The following TRIM55 variants were observed in gnomAD, a reference collection of about 807,000 sequenced individuals.
The protein encoded by TRIM55 is tripartite motif containing 55.
In TRIM55, 50 loss-of-function variants were observed where a neutral mutation model predicts 60.9. The ratio of observed to expected loss-of-function variants is 0.82; its 90% confidence interval spans 0.65 to 1.04. The LOEUF (loss-of-function observed/expected upper bound fraction) is 1.04. Among genes scored for constraint, TRIM55 ranks in the 50% least tolerant of loss-of-function variants. The pLI is 0.00. For synonymous variants in TRIM55, 237 were observed against 238.1 expected (o/e 1.00, Z 0.04); for missense variants, 681 against 666.9 (o/e 1.02, Z -0.23).
chr8:66,143,164 A>C (rs1171956457), intron 4 of TRIM55, among the ~76,000 whole-genome samples: 3 of 152,192 alleles, frequency 2.0e-5, no homozygotes, highest in Admixed American at 6.5e-5. Context: ...GCTCAGTGAC[A>C]AGTGGTGGGT....
At chr8:66,130,346 A>G (rs769322963) in intron 2 of TRIM55, among the ~76,000 whole-genome samples, 76 of 152,156 alleles carry the variant, frequency 5.0e-4, no homozygotes, top group Middle Eastern at 3.2e-3. Context: ...TTTTTCTTGA[A>G]CTTGAGACTT....
chr8:66,150,291 G>T (rs755170441), intron 6 of TRIM55, 51 bp from the exon 7 acceptor site: 2 of 1,613,826 alleles, frequency 1.2e-6, no homozygotes, highest in Non-Finnish European at 1.7e-6. Context: ...TTTACCCAAG[G>T]CTATCCAATT....
At chr8:66,142,945 T>C (rs986981293) in intron 4 of TRIM55, among the ~76,000 whole-genome samples, 3 of 152,272 alleles carry the variant, frequency 2.0e-5, no homozygotes, top group Admixed American at 1.3e-4. Flanking sequence ...AACTTCTTAC[T>C]TTAATGTAGT....
chr8:66,146,369 A>C (rs1810095658), intron 4 of TRIM55, among the ~76,000 whole-genome samples: 1 of 152,072 alleles, frequency 6.6e-6, no homozygotes. Flanking sequence ...TAAACTGCCA[A>C]AAAAAATTAT....
upstream of TRIM55, chr8:66,127,063 G>C: frequency 2.0e-6 from 1 of 488,210 alleles, no homozygotes; most frequent in Middle Eastern, 5.4e-4. Context: ...GGCTTATATG[G>C]ACACGTCAGC....
chr8:66,152,627 G>C lies in TRIM55; in HGVS notation c.1236G>C (p.Gln412His). ...LPPAADAPVTQGEVVPTGSEQ... is the reference protein window; with the variant it reads ...LPPAADAPVTHGEVVPTGSEQ... ...CTGCTGCGGATGCCCCTGTGACACA[G>C]GTAACCCCTCCTGAGTCTCTTTCTA... is the stretch of plus-strand genomic sequence containing the variant. Residue 412 changes from glutamine (Q) to histidine (H), a missense_variant and splice_region_variant, in exon 8 of 10, where the codon CAG becomes CAC. Gln to His is a conservative substitution (Grantham distance 24). Coordinates refer to ENST00000315962, the MANE Select transcript of TRIM55 (RefSeq NM_184085.2). 1 of 1,613,324 alleles carries C rather than the reference G, an allele frequency of 6.2e-7. No homozygotes were observed. The highest frequency in any genetic ancestry group is 8.5e-7 in the Non-Finnish European group (1 of 1,179,676).
rs373183172 is a variant in TRIM55, at chr8:66,155,643, G to A, written c.1524+1309G>A. 5.5e-5 allele frequency: 88 copies of A among 1,612,152 alleles called. 1 individual carries two copies. The highest frequency in any genetic ancestry group is 3.8e-4 in the Admixed American group (23 of 59,784). On this transcript the variant is annotated intron_variant, in intron 9 of 9. Transcript: ENST00000315962. The stretch of plus-strand genomic sequence containing the variant: ...CACAGGAGTTAGTAATCTGCCTAGC[G>A]CTTTTGGCTTTTCTTATTCTTCACT...
At position 66,149,697 on chromosome 8, in the gene TRIM55, A is replaced by G. The variant is rs760786755; in HGVS notation, c.656A>G (p.Tyr219Cys). ...QELCEKFDYL[Y>C]GILEERKNEM... ...CTTTGTGAGAAGTTTGATTACCTGT[A>G]TGGCATTTTGGAGGAGAGGAAGAAT... Residue 219 changes from tyrosine (Y) to cysteine (C), a missense_variant, in exon 5 of 10, where the codon TAT becomes TGT. Tyr to Cys is a radical substitution (Grantham distance 194). Coordinates refer to ENST00000315962, the MANE Select transcript of TRIM55 (RefSeq NM_184085.2). The G allele has an allele frequency of 1.2e-6, 2 of 1,614,204 alleles. No individual in the cohort carries two copies. The highest frequency in any genetic ancestry group is 1.7e-6 in the Non-Finnish European group (2 of 1,180,006).
the TRIM55 span, chr8:66,114,667 C>T: frequency 2.2e-6 from 1 of 456,046 alleles, no homozygotes; most frequent in African/African-American, 2.0e-5. Flanking sequence ...TGAACGTTTG[C>T]TCAACCGAGG....
chr8:66,148,795 T>TCCCA (rs1810244584), intron 4 of TRIM55, among the ~76,000 whole-genome samples: 1 of 152,152 alleles, frequency 6.6e-6, no homozygotes, highest in South Asian at 2.1e-4. Flanking sequence ...ACGCCTGTAA[T>TCCCA]CCCAGCACTT....
At chr8:66,122,719 A>G (rs368731530), upstream of TRIM55, among the ~76,000 whole-genome samples, 2 of 152,292 alleles carry the variant, frequency 1.3e-5, no homozygotes, top group East Asian at 1.9e-4. Flanking sequence ...AAGATCACAC[A>G]TGACTCCTTC....
At chr8:66,140,890 A>T (rs561776333) in intron 4 of TRIM55, among the ~76,000 whole-genome samples, 2 of 152,296 alleles carry the variant, frequency 1.3e-5, no homozygotes, top group African/African-American at 2.4e-5. Context: ...TTGTTAAAGA[A>T]TTCTCTTTTC....
chr8:66,113,470 GT>G, the TRIM55 span: 2 of 454,406 alleles, frequency 4.4e-6, no homozygotes, highest in Non-Finnish European at 8.8e-6. Context: ...GACAAGTGCG[GT>G]TTTTTTCTCC....
chr8:66,142,435 G>A (rs113855822), intron 4 of TRIM55, among the ~76,000 whole-genome samples: 4,310 of 152,272 alleles, frequency 0.028, 169 homozygotes, highest in African/African-American at 0.091. Context: ...GGGAAACATG[G>A]TGACTACCCA....
chr8:66,161,564 A>G (rs1406926019), intron 9 of TRIM55, among the ~76,000 whole-genome samples: 1 of 152,086 alleles, frequency 6.6e-6, no homozygotes, highest in East Asian at 1.9e-4. Context: ...TCTATGAAGA[A>G]TGATGGTGTA....
chr8:66,159,509 G>A (rs1215227500), intron 9 of TRIM55, among the ~76,000 whole-genome samples: 1 of 152,214 alleles, frequency 6.6e-6, no homozygotes, highest in Non-Finnish European at 1.5e-5. Context: ...CTCACATATA[G>A]GTCTTTGTGT....
At chr8:66,118,011 CA>C in the TRIM55 span, among the ~76,000 whole-genome samples, 1 of 150,282 alleles carries the variant, frequency 6.7e-6, no homozygotes, top group South Asian at 2.1e-4. Context: ...CTAAAAAATA[CA>C]AAAAAACTTA....
At position 66,158,082 on chromosome 8, in the gene TRIM55, G is replaced by A. The variant is rs557222162; in HGVS notation, c.1524+3748G>A. Among the ~76,000 whole-genome samples, 11 of 151,374 alleles carry A rather than the reference G, an allele frequency of 7.3e-5. No homozygotes were observed. In the East Asian group the frequency reaches 2.0e-3, roughly 27 times the overall value. On this transcript the variant is annotated intron_variant, in intron 9 of 9. Coordinates refer to ENST00000315962, the MANE Select transcript of TRIM55 (RefSeq NM_184085.2). ...TATTTGGTGGATTAACTCAGCAGCTGCTCTGGCTGATACTTGAGCTGGACA... is the reference window on the plus strand; with the variant it reads ...TATTTGGTGGATTAACTCAGCAGCTACTCTGGCTGATACTTGAGCTGGACA...
intron 9 of TRIM55, among the ~76,000 whole-genome samples, chr8:66,159,999 T>A (rs1438502625): frequency 1.3e-5 from 2 of 152,146 alleles, no homozygotes; most frequent in Non-Finnish European, 2.9e-5. Flanking sequence ...TTTCTTTTAA[T>A]TTTTTATTTT....
Sources: allele counts gnomAD v4.1 joint callset (sites outside exome capture counted in the v4.1 genomes callset), GRCh38; gene constraint gnomAD v4.1.1; transcripts MANE v1.5; gene names NCBI Gene and HGNC (gene_info 2026-07-23, HGNC 2026-07-21).